The following PHKB variants were observed in gnomAD, a reference collection of about 807,000 sequenced individuals.
PHKB encodes phosphorylase b kinase regulatory subunit beta.
A neutral mutation model predicts 152.1 loss-of-function variants in PHKB; 122 were observed. The ratio of observed to expected loss-of-function variants is 0.80; its 90% CI spans 0.69 to 0.93. PHKB has a LOEUF of 0.93. Among genes scored for constraint, PHKB ranks in the 40% least tolerant of loss-of-function variants. PHKB has a pLI of 0.00. For synonymous variants in PHKB, 436 were observed against 464.9 expected, an observed-to-expected ratio of 0.94 and a Z score of 0.80; for missense variants, 1,304 against 1,328.4, an observed-to-expected ratio of 0.98 and a Z score of 0.29.
At chr16:47,501,940 A>T (rs368904810) in intron 3 of PHKB, among the ~76,000 whole-genome samples, 5 of 152,310 alleles carry the variant, frequency 3.3e-5, no homozygotes, top group African/African-American at 1.2e-4. Flanking sequence ...TACTGTATAG[A>T]GCAAATTCAT....
In PHKB at chr16:47,651,015, G is replaced by C. The variant is rs1973228409; in HGVS notation, c.1971+94G>C. 12 of 925,078 alleles carry C rather than the reference G, an allele frequency of 1.3e-5. No homozygotes were observed. The East Asian group carries it at 2.9e-4, about 23-fold the overall frequency. The allele number at this position is 925,078 out of a possible 1,614,324, so 57.3% of individuals were successfully genotyped here. A position where few individuals can be genotyped will look rare whatever the true frequency, so the allele number is the denominator to read the frequency against. On this transcript the variant is annotated intron_variant, in intron 20 of 30. Coordinates refer to ENST00000323584, the MANE Select transcript of PHKB (RefSeq NM_000293.3). The stretch of plus-strand genomic sequence containing the variant: ...AATGTATGGTCTATTTAAGGTTTTT[G>C]ACTTAAGGTTTTATTCTCCACCTAT...
chr16:47,491,164 T>A (rs1290574462), intron 1 of PHKB, among the ~76,000 whole-genome samples: 1 of 152,196 alleles, frequency 6.6e-6, no homozygotes, highest in Non-Finnish European at 1.5e-5. Flanking sequence ...ACAGCCAGCA[T>A]AATTGACTCC....
At chr16:47,694,347 A>G (rs1456441701) in intron 28 of PHKB, among the ~76,000 whole-genome samples, 1 of 152,238 alleles carries the variant, frequency 6.6e-6, no homozygotes, top group Non-Finnish European at 1.5e-5. Context: ...TCTCAACCAA[A>G]TAAATTTTGA....
intron 26 of PHKB, among the ~76,000 whole-genome samples, chr16:47,685,459 T>A (rs1973947967): frequency 6.6e-6 from 1 of 152,110 alleles, no homozygotes; most frequent in Admixed American, 6.5e-5. Flanking sequence ...TGTGCTAAAA[T>A]TATCAAATCA....
rs544374664 is a variant in PHKB at position 47,546,820 on chromosome 16, C to G, written c.595-613C>G. On this transcript the variant is annotated intron_variant, in intron 6 of 30. Coordinates refer to ENST00000323584, the MANE Select transcript of PHKB (RefSeq NM_000293.3). ...CAAGCCTCCACAATGGTGGACCCCC[C>G]TCCCCCAGCCAGGCTTGCTGCCGTG... Among the ~76,000 whole-genome samples the G allele has an allele frequency of 2.6e-5, 4 of 152,244 alleles. No homozygotes were observed. In the East Asian group the frequency reaches 7.7e-4, roughly 29 times the overall value.
intron 26 of PHKB, among the ~76,000 whole-genome samples, chr16:47,686,781 C>A (rs1374995922): frequency 6.6e-6 from 1 of 152,082 alleles, no homozygotes; most frequent in African/African-American, 2.4e-5. Flanking sequence ...TGAAGCAAAT[C>A]CCAGACATTT....
chr16:47,664,700 G>A, intron 24 of PHKB, 185 bp from the exon 25 acceptor site: 2 of 607,044 alleles, frequency 3.3e-6, no homozygotes, highest in Non-Finnish European at 3.0e-6. Context: ...TAAGTTTCAA[G>A]TGTGGTCTGT....
intron 7 of PHKB, among the ~76,000 whole-genome samples, chr16:47,577,551 G>A (rs1047069469): frequency 3.3e-5 from 5 of 152,060 alleles, no homozygotes; most frequent in Admixed American, 6.5e-5. Context: ...TAGGTCTGCT[G>A]GTGATAGAAT....
chr16:47,663,040 C>A (rs1449829932), intron 23 of PHKB, among the ~76,000 whole-genome samples: 1 of 152,076 alleles, frequency 6.6e-6, no homozygotes, highest in Admixed American at 6.6e-5. Flanking sequence ...TCATATGCAT[C>A]TACAGAATCT....
chr16:47,544,394 G>A (rs771631578), intron 6 of PHKB, among the ~76,000 whole-genome samples: 5 of 152,146 alleles, frequency 3.3e-5, no homozygotes, highest in South Asian at 2.1e-4. Context: ...GTAGTTGTGC[G>A]GTTTTGAGTG....
chr16:47,653,511 T>G (rs957493728), intron 20 of PHKB, among the ~76,000 whole-genome samples: 17 of 152,198 alleles, frequency 1.1e-4, no homozygotes, highest in African/African-American at 3.9e-4. Context: ...CTCTTTGTCC[T>G]AATGGATTTA....
At chr16:47,593,166 AGAGGGAGAGAGAGAGAGAGG>A (rs1385600225) in intron 10 of PHKB, among the ~76,000 whole-genome samples, 11 of 117,334 alleles carry the variant, frequency 9.4e-5, no homozygotes, top group Non-Finnish European at 1.5e-4. Flanking sequence ...GAAGAAAGGG[AGAGGGAGAGAGAGAGAGAGG>A]GAGGGAGAGA....
chr16:47,599,074 T>A (rs759635532), intron 13 of PHKB: 15 of 592,584 alleles, frequency 2.5e-5, no homozygotes, highest in Non-Finnish European at 4.5e-5. Flanking sequence ...GAAGGTTATC[T>A]CTGGTTAGAA....
intron 6 of PHKB, among the ~76,000 whole-genome samples, chr16:47,519,410 C>G (rs960580424): frequency 6.6e-5 from 10 of 152,186 alleles, no homozygotes; most frequent in African/African-American, 2.4e-4. Flanking sequence ...CTTGGGGTCT[C>G]TCATGAAGCT....
intron 7 of PHKB, among the ~76,000 whole-genome samples, chr16:47,557,750 A>G (rs2151679361): frequency 6.6e-6 from 1 of 152,224 alleles, no homozygotes; most frequent in South Asian, 2.1e-4. Flanking sequence ...GCTGGAGAGG[A>G]TGTGGAGAAA....
At chr16:47,673,782 G>A (rs900809225) in intron 26 of PHKB, among the ~76,000 whole-genome samples, 6 of 152,074 alleles carry the variant, frequency 3.9e-5, no homozygotes, top group African/African-American at 1.4e-4. Context: ...ATGAATAATA[G>A]AAGAAGAATA....
intron 1 of PHKB, among the ~76,000 whole-genome samples, chr16:47,476,490 G>A (rs1196750434): frequency 6.6e-6 from 1 of 151,876 alleles, no homozygotes; most frequent in African/African-American, 2.4e-5. Flanking sequence ...ATGACCTCAA[G>A]GATAAAAAGA....
intron 7 of PHKB, among the ~76,000 whole-genome samples, chr16:47,569,400 A>G (rs897191352): frequency 1.3e-5 from 2 of 152,028 alleles, no homozygotes; most frequent in African/African-American, 2.4e-5. Context: ...GAATCTTTCT[A>G]TGGGTTAGGT....
intron 14 of PHKB, among the ~76,000 whole-genome samples, chr16:47,615,219 G>T (rs1972494144): frequency 6.6e-6 from 1 of 152,172 alleles, no homozygotes; most frequent in South Asian, 2.1e-4. Context: ...CCTAATTGCT[G>T]TTGCCCCTGC....
Sources: allele counts gnomAD v4.1 joint callset (sites outside exome capture counted in the v4.1 genomes callset), GRCh38; gene constraint gnomAD v4.1.1; transcripts MANE v1.5; gene names NCBI Gene and HGNC (gene_info 2026-07-23, HGNC 2026-07-21).